Variants in TSEN15 observed in about 807,000 individuals in gnomAD.
The protein encoded by TSEN15 is tRNA-splicing endonuclease subunit Sen15.
TSEN15 carries 10 observed loss-of-function variants against 20.5 expected under a neutral mutation model. The observed-to-expected ratio is 0.49, with a 90% CI of 0.30 to 0.83. The LOEUF (loss-of-function observed/expected upper bound fraction) is 0.83, where lower values mean the gene tolerates loss of function less well. Among genes scored for constraint, TSEN15 ranks in the 40% least tolerant of loss-of-function variants. TSEN15 has a pLI of 0.06. For missense variants in TSEN15, 180 were observed against 218.6 expected (o/e 0.82, Z 1.11); for synonymous variants, 72 against 80.1 (o/e 0.90, Z 0.54).
At chr1:184,088,123 G>T (rs1557891014) in intron 3 of TSEN15, among the ~76,000 whole-genome samples, 1 of 152,160 alleles carries the variant, frequency 6.6e-6, no homozygotes, top group South Asian at 2.1e-4. Context: ...ACCTCAGGAA[G>T]AGGCCTCTGA....
At chr1:184,079,866 C>A (rs1651130182) in intron 3 of TSEN15, among the ~76,000 whole-genome samples, 1 of 152,120 alleles carries the variant, frequency 6.6e-6, no homozygotes, top group Admixed American at 6.6e-5. Flanking sequence ...TGACCTCTAC[C>A]CTCAAGGAAT....
chr1:184,072,662 G>A, intron 4 of TSEN15, 165 bp from the exon 5 acceptor site: 1 of 664,754 alleles, frequency 1.5e-6, no homozygotes, highest in Non-Finnish European at 2.6e-6. Flanking sequence ...TAAATTGGTT[G>A]ACATTTTGAC....
At chr1:184,095,262 A>G (rs1651427098) in intron 3 of TSEN15, 2 of 396,516 alleles carry the variant, frequency 5.0e-6, no homozygotes, top group Non-Finnish European at 8.9e-6. Flanking sequence ...TGAGTGCTCC[A>G]TAACTCCACT....
chr1:184,053,092 G>C (rs555261359), intron 1 of TSEN15, among the ~76,000 whole-genome samples: 77 of 152,252 alleles, frequency 5.1e-4, no homozygotes, highest in African/African-American at 1.7e-3. Context: ...ACTTTATCTA[G>C]ATTTGGTGGT....
chr1:184,086,170 A>G (rs946807669), intron 3 of TSEN15, among the ~76,000 whole-genome samples: 1 of 152,206 alleles, frequency 6.6e-6, no homozygotes, highest in Non-Finnish European at 1.5e-5. Flanking sequence ...AAAACAGAAA[A>G]TATGTGTTTA....
intron 4 of TSEN15, chr1:184,072,507 T>G (rs1030307446): frequency 1.1e-5 from 6 of 560,176 alleles, no homozygotes; most frequent in Non-Finnish European, 1.8e-5. Flanking sequence ...AAAAAAAAAT[T>G]GATTTCCTTA....
chr1:184,067,545 G>C (rs1557883252), intron 3 of TSEN15, among the ~76,000 whole-genome samples: 1 of 152,108 alleles, frequency 6.6e-6, no homozygotes, highest in African/African-American at 2.4e-5. Flanking sequence ...TCCTGCAGCA[G>C]AGACTTCCTA....
chr1:184,072,787 T>G (rs1159033810), intron 4 of TSEN15, 40 bp from the exon 5 acceptor site: 7 of 1,579,662 alleles, frequency 4.4e-6, no homozygotes, highest in Non-Finnish European at 6.0e-6. Context: ...ATTACATTGT[T>G]TATCGGAGAA....
intron 4 of TSEN15, chr1:184,072,621 G>A: frequency 1.7e-6 from 1 of 599,356 alleles, no homozygotes; most frequent in Non-Finnish European, 2.9e-6. Context: ...AATAATAGTT[G>A]TAAGTAAAAA....
downstream of TSEN15, among the ~76,000 whole-genome samples, chr1:184,074,583 C>A (rs1048080332): frequency 6.6e-6 from 1 of 152,120 alleles, no homozygotes; most frequent in South Asian, 2.1e-4. Context: ...CAAGATGGAC[C>A]TTATAATCCT....
chr1:184,073,921 A>G lies in TSEN15; in HGVS notation c.*1074A>G, dbSNP rs570064578. On this transcript the variant is annotated 3_prime_UTR_variant, in exon 5 of 5. Transcript: ENST00000645668. ...AGTTTGTCATCCCTGGGTCTAGGAA[A>G]TAGTCAATAAACAGATATATACAAA... 6.6e-6 allele frequency: 1 copy of G among 152,312 alleles called. No individual in the cohort carries two copies. Among genetic ancestry groups the G allele is most frequent in the East Asian group, 1.9e-4 (1 of 5,184 alleles). 9.4% of individuals were successfully genotyped at this position (152,312 alleles called of 1,614,324 possible).
exon 4 of TSEN15, chr1:184,095,792 T>A (rs928804053): frequency 7.5e-6 from 3 of 398,404 alleles, no homozygotes; most frequent in African/African-American, 2.1e-5. Context: ...TGCACTTCGG[T>A]CTGGATTTCT....
intron 3 of TSEN15, among the ~76,000 whole-genome samples, chr1:184,059,421 T>C (rs1159209427): frequency 2.6e-5 from 4 of 152,142 alleles, no homozygotes; most frequent in African/African-American, 9.7e-5. Context: ...GATGGAAAAT[T>C]AGATGGGAAA....
chr1:184,069,935 C>T (rs1198126198), intron 3 of TSEN15, among the ~76,000 whole-genome samples: 2 of 151,958 alleles, frequency 1.3e-5, no homozygotes, highest in East Asian at 3.9e-4. Context: ...AATCACCGCC[C>T]CCTCCAACCA....
At chr1:184,075,906 A>ATT (rs952906572), downstream of TSEN15, among the ~76,000 whole-genome samples, 6 of 98,402 alleles carry the variant, frequency 6.1e-5, no homozygotes, top group African/African-American at 2.3e-4. Flanking sequence ...ATATATATAT[A>ATT]TATATTTTTT....
At chr1:184,067,104 A>G (rs1033054167) in intron 3 of TSEN15, among the ~76,000 whole-genome samples, 4 of 152,184 alleles carry the variant, frequency 2.6e-5, no homozygotes, top group African/African-American at 7.2e-5. Flanking sequence ...GGACTTTTGT[A>G]TATTATCCTT....
chr1:184,078,118 C>T (rs761283796), downstream of TSEN15, among the ~76,000 whole-genome samples: 3 of 152,054 alleles, frequency 2.0e-5, no homozygotes, highest in Non-Finnish European at 4.4e-5. Context: ...TATTTTAAGA[C>T]TTTGCCACAG....
At chr1:184,072,789 A>G in intron 4 of TSEN15, 38 bp from the exon 5 acceptor site, 1 of 1,582,140 alleles carries the variant, frequency 6.3e-7, no homozygotes, top group Non-Finnish European at 8.6e-7. Context: ...TACATTGTTT[A>G]TCGGAGAAAA....
chr1:184,053,038 ATAT>A (rs1346547349), intron 1 of TSEN15, among the ~76,000 whole-genome samples: 1 of 152,208 alleles, frequency 6.6e-6, no homozygotes, highest in Non-Finnish European at 1.5e-5. Context: ...AGAAAGCACT[ATAT>A]AAGTACTTAA....
Sources: gnomAD v4.1 joint callset for allele counts (sites outside exome capture counted in the v4.1 genomes callset) on GRCh38, gnomAD v4.1.1 for gene constraint, MANE v1.5 for transcripts, NCBI Gene and HGNC (gene_info 2026-07-23, HGNC 2026-07-21) for gene names.